Variants in PHF20 observed in about 807,000 individuals in gnomAD.
PHF20 encodes the protein PHD finger protein 20.
Under a neutral mutation model 113.5 loss-of-function variants are expected in PHF20, and 23 were observed. The ratio of observed to expected loss-of-function variants is 0.20; its 90% CI spans 0.15 to 0.29. The LOEUF (loss-of-function observed/expected upper bound fraction) is 0.29. Ranked by LOEUF, PHF20 falls within the 10% of genes least tolerant of loss-of-function variation. The pLI is 1.00. For synonymous variants in PHF20, 434 were observed against 457.3 expected, an observed-to-expected ratio of 0.95 and a Z score of 0.65; for missense variants, 943 against 1,219.6, an observed-to-expected ratio of 0.77 and a Z score of 3.38.
rs148086577 is a variant in PHF20 at position 35,938,973 on chromosome 20, G to C, written c.2577G>C (p.Thr859=). ...TGGAGCAGAAGCTGGTGGTGGAGAC[G>C]AGGGGCTCTGCCCTCGACGATGCGG... is the stretch of plus-strand genomic sequence containing the variant. The part of the protein sequence containing the change: ...PAVEQKLVVE[T]RGSALDDAVN... The change falls in exon 16 of 18, where the codon ACG becomes ACC. Residue 859 remains threonine, a synonymous_variant. Transcript: ENST00000374012. The C allele has an allele frequency of 1.2e-6, 2 of 1,614,010 alleles. No individual in the cohort carries two copies. Among genetic ancestry groups the C allele is most frequent in the East Asian group, 2.2e-5 (1 of 44,874 alleles).
At position 35,881,048 on chromosome 20, in the gene PHF20, C is replaced by CTTTTTTTTTTTTTTT. The variant is rs773060725; in HGVS notation, c.1282+9227_1282+9241dup. Among the ~76,000 whole-genome samples, 42 of 109,744 alleles carry CTTTTTTTTTTTTTTT rather than the reference C, an allele frequency of 3.8e-4. 3 individuals are homozygous for CTTTTTTTTTTTTTTT. Among genetic ancestry groups the CTTTTTTTTTTTTTTT allele is most frequent in the African/African-American group, 1.3e-3 (32 of 25,340 alleles). The allele number at this position is 109,744 out of a possible 152,430, so 72.0% of individuals were successfully genotyped here. A position where few individuals can be genotyped will look rare whatever the true frequency, so the allele number is the denominator to read the frequency against. ...GTTCCAGACCTTTATCTCTAAATAC[C>CTTTTTTTTTTTTTTT]TTTTTTTTTTTTTTTTTTTTTTCTG... On this transcript the variant is annotated intron_variant, in intron 9 of 17. Coordinates refer to ENST00000374012, the MANE Select transcript of PHF20 (RefSeq NM_016436.5).
chr20:35,797,982 C>T (rs2041700998), intron 1 of PHF20, among the ~76,000 whole-genome samples: 1 of 152,070 alleles, frequency 6.6e-6, no homozygotes, highest in Non-Finnish European at 1.5e-5. Flanking sequence ...AGCTTATTGT[C>T]CTTCACATGT....
intron 2 of PHF20, among the ~76,000 whole-genome samples, chr20:35,834,470 C>T (rs2042406768): frequency 6.6e-6 from 1 of 151,878 alleles, no homozygotes; most frequent in Non-Finnish European, 1.5e-5. Flanking sequence ...AGACTGGTCT[C>T]GAACTCCCAA....
At chr20:35,810,800 A>G (rs984983898) in intron 2 of PHF20, among the ~76,000 whole-genome samples, 3 of 152,224 alleles carry the variant, frequency 2.0e-5, no homozygotes, top group East Asian at 1.9e-4. Context: ...AGTACTGGAC[A>G]TTTAATTGTT....
At chr20:35,773,872 C>G (rs1445086105) in intron 1 of PHF20, among the ~76,000 whole-genome samples, 2 of 152,166 alleles carry the variant, frequency 1.3e-5, no homozygotes, top group African/African-American at 4.8e-5. Flanking sequence ...GCTTTATCTC[C>G]TTGTGCTGGA....
At chr20:35,843,740 G>C (rs1307353429) in intron 3 of PHF20, among the ~76,000 whole-genome samples, 1 of 151,868 alleles carries the variant, frequency 6.6e-6, no homozygotes, top group Non-Finnish European at 1.5e-5. Context: ...ACCACACCCG[G>C]CTAATTTTTA....
chr20:35,939,166 C>T (rs1257636729), intron 16 of PHF20, 58 bp downstream of exon 16: 1 of 1,465,396 alleles, frequency 6.8e-7, no homozygotes, highest in Non-Finnish European at 9.2e-7. Flanking sequence ...GCAAGTTATC[C>T]TCCTAGTTTG....
At chr20:35,869,934 T>C (rs937965844) in intron 7 of PHF20, among the ~76,000 whole-genome samples, 25 of 150,368 alleles carry the variant, frequency 1.7e-4, no homozygotes, top group Non-Finnish European at 3.4e-4. Context: ...CTGAGGTGGG[T>C]GGATCATCTG....
chr20:35,777,083 C>A (rs551760291), intron 1 of PHF20, among the ~76,000 whole-genome samples: 1 of 152,328 alleles, frequency 6.6e-6, no homozygotes, highest in East Asian at 1.9e-4. Flanking sequence ...TCCATGTCTT[C>A]TTCCAGTTCC....
chr20:35,871,115 T>C lies in PHF20; in HGVS notation c.1083T>C (p.Ser361=). 6.2e-7 allele frequency: 1 copy of C among 1,609,786 alleles called. No individual in the cohort carries two copies. The highest frequency in any genetic ancestry group is 1.7e-5 in the Admixed American group (1 of 58,336). ...DTDPLQDTLS[S]TKESEEGQLK... ...ATCCTTTGCAAGACACGTTGTCTAG[T>C]ACCAAGGAATCTGAAGAAGGTGAGT... Residue 361 remains serine, a synonymous_variant, in exon 8 of 18, where the codon AGT becomes AGC. Coordinates refer to ENST00000374012, the MANE Select transcript of PHF20 (RefSeq NM_016436.5).
chr20:35,894,705 C>T lies in PHF20; in HGVS notation c.1283-4665C>T, dbSNP rs145022822. Among the ~76,000 whole-genome samples, 45 of 152,328 alleles carry T rather than the reference C, an allele frequency of 3.0e-4. 1 individual carries two copies. Among genetic ancestry groups the T allele is most frequent in the African/African-American group, 1.1e-3 (44 of 41,576 alleles). Reference sequence around the variant, plus strand: ...AACTCAGCGAAGTTGTTACCATTATCGTCTCCATCCTGCACATGAGGAAAC... The same window carrying T: ...AACTCAGCGAAGTTGTTACCATTATTGTCTCCATCCTGCACATGAGGAAAC... On this transcript the variant is annotated intron_variant, in intron 9 of 17. Transcript: ENST00000374012.
chr20:35,774,108 A>C (rs1426867128), intron 1 of PHF20, among the ~76,000 whole-genome samples: 1 of 149,670 alleles, frequency 6.7e-6, no homozygotes, highest in African/African-American at 2.5e-5. Flanking sequence ...TTTGAGACAG[A>C]GTCTCGCTCT....
intron 6 of PHF20, among the ~76,000 whole-genome samples, chr20:35,869,023 G>A (rs1229722904): frequency 6.6e-6 from 1 of 151,866 alleles, no homozygotes; most frequent in Non-Finnish European, 1.5e-5. Flanking sequence ...CCTGGGAGGC[G>A]GAGGTTGCAG....
chr20:35,777,829 A>C (rs1414490213), intron 1 of PHF20, among the ~76,000 whole-genome samples: 2 of 152,210 alleles, frequency 1.3e-5, no homozygotes, highest in Non-Finnish European at 2.9e-5. Flanking sequence ...CTAGGAACAC[A>C]CAGCCACAAA....
At chr20:35,920,769 T>G (rs948572552) in intron 13 of PHF20, among the ~76,000 whole-genome samples, 1 of 152,224 alleles carries the variant, frequency 6.6e-6, no homozygotes, top group African/African-American at 2.4e-5. Flanking sequence ...CACTTTAGGC[T>G]GAGGGAGAGT....
At chr20:35,907,778 A>G (rs117007702) in intron 10 of PHF20, among the ~76,000 whole-genome samples, 2 of 152,196 alleles carry the variant, frequency 1.3e-5, no homozygotes, top group East Asian at 3.9e-4. Flanking sequence ...ATTTTAGATT[A>G]TTTGCCATTT....
At chr20:35,918,670 T>C (rs1361895344) in intron 13 of PHF20, among the ~76,000 whole-genome samples, 2 of 152,168 alleles carry the variant, frequency 1.3e-5, no homozygotes, top group Non-Finnish European at 2.9e-5. Flanking sequence ...CAAATTTAGA[T>C]CAGATATTAG....
chr20:35,943,280 A>C (rs1019622177), intron 17 of PHF20, among the ~76,000 whole-genome samples: 4 of 152,178 alleles, frequency 2.6e-5, no homozygotes, highest in Non-Finnish European at 1.5e-5. Flanking sequence ...CGGAGGTTGC[A>C]GTGAGCTGAG....
Position 35,949,501 on chromosome 20 carries a change from C to G in PHF20, c.*1874C>G, listed in dbSNP as rs1209871569. The G allele has an allele frequency of 6.6e-6, 1 of 152,620 alleles. No individual in the cohort carries two copies. Among genetic ancestry groups the G allele is most frequent in the Non-Finnish European group, 1.5e-5 (1 of 68,040 alleles). The allele number at this position is 152,620 out of a possible 1,614,324, so 9.5% of individuals were successfully genotyped here. On this transcript the variant is annotated 3_prime_UTR_variant, in exon 18 of 18. Coordinates refer to ENST00000374012, the MANE Select transcript of PHF20 (RefSeq NM_016436.5). ...ACGATGTAAGCAGAAACTGAATTGC[C>G]CTAATTTTGCCAACTGGCCATTATT...
Sources: allele counts gnomAD v4.1 joint callset (sites outside exome capture counted in the v4.1 genomes callset), GRCh38; gene constraint gnomAD v4.1.1; transcripts MANE v1.5; gene names NCBI Gene and HGNC (gene_info 2026-07-23, HGNC 2026-07-21).